The following PXDNL variants were observed in gnomAD, a reference collection of about 807,000 sequenced individuals.
PXDNL encodes peroxidasin like.
In PXDNL, 145 loss-of-function variants were observed where a neutral mutation model predicts 150.8. The observed-to-expected ratio is 0.96, with a 90% CI of 0.84 to 1.10. The LOEUF (loss-of-function observed/expected upper bound fraction) is 1.10, where lower values mean the gene tolerates loss of function less well. Among genes scored for constraint, PXDNL ranks in the 50% least tolerant of loss-of-function variants. The pLI, the probability that PXDNL is intolerant of heterozygous loss-of-function variation, is 0.00. For synonymous variants in PXDNL, 757 were observed against 725.7 expected (o/e 1.04, Z -0.69); for missense variants, 2,087 against 1,873.9 (o/e 1.11, Z -2.10).
At chr8:51,469,338 T>C (rs1810272788) in intron 8 of PXDNL, among the ~76,000 whole-genome samples, 1 of 152,110 alleles carries the variant, frequency 6.6e-6, no homozygotes, top group Non-Finnish European at 1.5e-5. Context: ...TTGGAAGCAA[T>C]ATAATTCTCA....
intron 17 of PXDNL, among the ~76,000 whole-genome samples, chr8:51,396,385 G>A (rs2130852210): frequency 6.6e-6 from 1 of 152,360 alleles, no homozygotes. Context: ...AGAGTGCAGA[G>A]CGCCTGTGTC....
intron 1 of PXDNL, among the ~76,000 whole-genome samples, chr8:51,655,193 C>T (rs1274081229): frequency 6.6e-6 from 1 of 152,184 alleles, no homozygotes; most frequent in Non-Finnish European, 1.5e-5. Context: ...TTATTAATTA[C>T]TTAATTTTTC....
chr8:51,637,637 GAGA>G (rs1390050728), intron 2 of PXDNL, among the ~76,000 whole-genome samples: 1 of 152,166 alleles, frequency 6.6e-6, no homozygotes, highest in Non-Finnish European at 1.5e-5. Context: ...GAAGTGAAAA[GAGA>G]AGTTTAGAGA....
At chr8:51,794,310 G>C (rs1725484417) in intron 1 of PXDNL, among the ~76,000 whole-genome samples, 2 of 152,106 alleles carry the variant, frequency 1.3e-5, no homozygotes, top group African/African-American at 4.8e-5. Flanking sequence ...AGGAAATCCA[G>C]AGAACCCCAG....
intron 2 of PXDNL, among the ~76,000 whole-genome samples, chr8:51,649,216 A>G (rs1275565403): frequency 1.3e-5 from 2 of 152,062 alleles, no homozygotes; most frequent in Admixed American, 6.6e-5. Flanking sequence ...CGAGGAAAAA[A>G]ACGGCAGTAG....
intron 2 of PXDNL, among the ~76,000 whole-genome samples, chr8:51,599,770 A>G (rs1158403108): frequency 4.1e-5 from 6 of 144,648 alleles, no homozygotes; most frequent in Non-Finnish European, 9.0e-5. Flanking sequence ...ATAATAAATT[A>G]TATCTTATAT....
intron 15 of PXDNL, among the ~76,000 whole-genome samples, chr8:51,412,638 A>G (rs1181680959): frequency 6.6e-6 from 1 of 152,222 alleles, no homozygotes; most frequent in African/African-American, 2.4e-5. Flanking sequence ...GATGAAATCA[A>G]CAATCATTTT....
chr8:51,700,304 T>C lies in PXDNL; in HGVS notation c.165-45544A>G, dbSNP rs552261315. Reference sequence around the variant, plus strand: ...ATACATACATACACATGTACACATGTATACACACATACAAAAATAAATACA... The same window carrying C: ...ATACATACATACACATGTACACATGCATACACACATACAAAAATAAATACA... On this transcript the variant is annotated intron_variant, in intron 1 of 22. Transcript: ENST00000356297. 2.6e-5 allele frequency among the ~76,000 whole-genome samples: 4 copies of C among 151,754 alleles called. No homozygotes were observed. The East Asian group carries it at 7.7e-4, about 29-fold the overall frequency.
At chr8:51,362,521 A>ATTT (rs1201185518) in intron 19 of PXDNL, among the ~76,000 whole-genome samples, 1 of 152,236 alleles carries the variant, frequency 6.6e-6, no homozygotes, top group African/African-American at 2.4e-5. Flanking sequence ...TAACAAGTCA[A>ATTT]ACCTTTTTTA....
At chr8:51,560,607 GA>G (rs1812698446) in intron 3 of PXDNL, among the ~76,000 whole-genome samples, 1 of 151,822 alleles carries the variant, frequency 6.6e-6, no homozygotes, top group East Asian at 1.9e-4. Context: ...TCTCCACATG[GA>G]AAAGAATAAA....
At chr8:51,687,546 A>C (rs1459131988) in intron 1 of PXDNL, among the ~76,000 whole-genome samples, 1 of 152,230 alleles carries the variant, frequency 6.6e-6, no homozygotes, top group African/African-American at 2.4e-5. Flanking sequence ...TTTTATTATT[A>C]GAAGATCACA....
At chr8:51,585,860 A>C (rs1229955308) in intron 3 of PXDNL, among the ~76,000 whole-genome samples, 1 of 151,256 alleles carries the variant, frequency 6.6e-6, no homozygotes, top group Non-Finnish European at 1.5e-5. Context: ...CCTGCCACCC[A>C]CCCCTTGTGG....
intron 21 of PXDNL, among the ~76,000 whole-genome samples, chr8:51,336,517 A>G (rs905047909): frequency 1.3e-5 from 2 of 152,190 alleles, no homozygotes; most frequent in African/African-American, 2.4e-5. Flanking sequence ...TCGCATCTCA[A>G]AAGACCGTTG....
intron 2 of PXDNL, among the ~76,000 whole-genome samples, chr8:51,619,275 T>C (rs1814190543): frequency 6.6e-6 from 1 of 152,218 alleles, no homozygotes; most frequent in African/African-American, 2.4e-5. Flanking sequence ...TTCCCTGCCT[T>C]TCTGTGTAAG....
intron 21 of PXDNL, among the ~76,000 whole-genome samples, chr8:51,339,222 G>A (rs138686624): frequency 3.0e-4 from 45 of 152,210 alleles, no homozygotes; most frequent in African/African-American, 1.0e-3. Context: ...CACTTTGGGA[G>A]GCCAAGGAGG....
intron 6 of PXDNL, among the ~76,000 whole-genome samples, chr8:51,478,946 TAAAG>T (rs1425032741): frequency 6.6e-6 from 1 of 152,100 alleles, no homozygotes; most frequent in Non-Finnish European, 1.5e-5. Flanking sequence ...ATTCATAACA[TAAAG>T]ATAGTTTGTC....
chr8:51,426,905 T>C, intron 12 of PXDNL, 147 bp from the exon 13 acceptor site: 1 of 574,516 alleles, frequency 1.7e-6, no homozygotes, highest in South Asian at 2.2e-5. Context: ...TCTAGGGGAA[T>C]AACAAGCATC....
At chr8:51,753,216 A>C (rs1266865545) in intron 1 of PXDNL, among the ~76,000 whole-genome samples, 1 of 152,210 alleles carries the variant, frequency 6.6e-6, no homozygotes, top group Non-Finnish European at 1.5e-5. Context: ...ATTTCAATTT[A>C]TCCAAAGCTA....
chr8:51,653,343 G>A (rs1260280613), intron 2 of PXDNL, among the ~76,000 whole-genome samples: 2 of 152,100 alleles, frequency 1.3e-5, no homozygotes, highest in African/African-American at 4.8e-5. Context: ...GCTTGAACCC[G>A]GGAGGCACAG....
Sources: allele counts gnomAD v4.1 joint callset (sites outside exome capture counted in the v4.1 genomes callset), GRCh38; gene constraint gnomAD v4.1.1; transcripts MANE v1.5; gene names NCBI Gene and HGNC (gene_info 2026-07-23, HGNC 2026-07-21).